The following GRXCR2 variants were observed in gnomAD, a reference collection of about 807,000 sequenced individuals.
GRXCR2 encodes the protein glutaredoxin domain-containing cysteine-rich protein 2.
GRXCR2 carries 23 observed loss-of-function variants against 24.8 expected under a neutral mutation model. The ratio of observed to expected loss-of-function variants is 0.93; its 90% confidence interval spans 0.67 to 1.32. The LOEUF (loss-of-function observed/expected upper bound fraction) is 1.32, where lower values mean the gene tolerates loss of function less well. Among genes scored for constraint, GRXCR2 ranks in the 40% most tolerant of loss-of-function variants. GRXCR2 has a pLI of 0.00. For missense variants in GRXCR2, 315 were observed against 303.4 expected (o/e 1.04, Z -0.28); for synonymous variants, 130 against 116.1 (o/e 1.12, Z -0.77).
chr5:145,913,302 T>C, intron 2 of GRXCR2, among the ~76,000 whole-genome samples: 1 of 152,138 alleles, frequency 6.6e-6, no homozygotes, highest in East Asian at 1.9e-4. Context: ...AAATAGTTTT[T>C]CTATATTTAA....
At chr5:145,862,397 C>T (rs767989320) in intron 2 of GRXCR2, among the ~76,000 whole-genome samples, 1 of 152,188 alleles carries the variant, frequency 6.6e-6, no homozygotes, top group Non-Finnish European at 1.5e-5. Context: ...TGGGTTACCA[C>T]TCTCTGACCA....
intron 2 of GRXCR2, among the ~76,000 whole-genome samples, chr5:145,881,055 A>G (rs1338959063): frequency 1.3e-5 from 2 of 152,218 alleles, no homozygotes. Context: ...TATTTATGAC[A>G]AACCCACAGC....
chr5:145,876,191 G>GTGTATA (rs1412232264), upstream of GRXCR2, among the ~76,000 whole-genome samples: 6,579 of 105,006 alleles, frequency 0.063, 259 homozygotes, highest in East Asian at 0.18. Flanking sequence ...GTGTGTGTGT[G>GTGTATA]TATATATATA....
intron 1 of GRXCR2, among the ~76,000 whole-genome samples, chr5:145,870,993 C>A (rs573115190): frequency 6.6e-6 from 1 of 152,082 alleles, no homozygotes; most frequent in South Asian, 2.1e-4. Context: ...ATCCCTTGAG[C>A]CCAGGAGTTT....
intron 2 of GRXCR2, among the ~76,000 whole-genome samples, chr5:145,898,135 T>C (rs1332427231): frequency 1.3e-5 from 2 of 151,906 alleles, no homozygotes; most frequent in Non-Finnish European, 2.9e-5. Context: ...AAAGGTGACA[T>C]TACAACTGAT....
chr5:145,920,108 G>A (rs550078910), intron 2 of GRXCR2, among the ~76,000 whole-genome samples: 7 of 152,120 alleles, frequency 4.6e-5, no homozygotes, highest in Non-Finnish European at 1.0e-4. Context: ...TGAAAATCAA[G>A]CAATTATTGA....
chr5:145,902,442 G>A (rs908031097), intron 2 of GRXCR2, among the ~76,000 whole-genome samples: 1 of 152,036 alleles, frequency 6.6e-6, no homozygotes, highest in Non-Finnish European at 1.5e-5. Flanking sequence ...GATGACCTCT[G>A]GGTTTTCTCT....
chr5:145,861,098 G>GA (rs758821087), intron 2 of GRXCR2, among the ~76,000 whole-genome samples: 21 of 151,680 alleles, frequency 1.4e-4, no homozygotes, highest in Non-Finnish European at 2.6e-4. Flanking sequence ...TTCAGCTTCT[G>GA]AAAATCTCAA....
At chr5:145,879,406 T>G (rs1434030997) in intron 2 of GRXCR2, among the ~76,000 whole-genome samples, 1 of 146,790 alleles carries the variant, frequency 6.8e-6, no homozygotes. Flanking sequence ...GTAATCCTAG[T>G]CTCTGATAAA....
At chr5:145,888,492 G>T (rs1032772076) in intron 2 of GRXCR2, among the ~76,000 whole-genome samples, 1 of 152,086 alleles carries the variant, frequency 6.6e-6, no homozygotes, top group Non-Finnish European at 1.5e-5. Context: ...AACCTGTGCA[G>T]GTTACTTGAT....
chr5:145,899,427 TA>T (rs746427238), intron 2 of GRXCR2, among the ~76,000 whole-genome samples: 2 of 151,890 alleles, frequency 1.3e-5, no homozygotes, highest in Admixed American at 6.6e-5. Flanking sequence ...TCATATGGAA[TA>T]AAAAAAGAGC....
At chr5:145,879,075 G>A (rs1163708420) in intron 2 of GRXCR2, among the ~76,000 whole-genome samples, 2 of 152,082 alleles carry the variant, frequency 1.3e-5, no homozygotes, top group Non-Finnish European at 2.9e-5. Context: ...ACCAGTACCA[G>A]CCCCTGCAAA....
At chr5:145,920,308 T>C (rs987544488) in intron 2 of GRXCR2, among the ~76,000 whole-genome samples, 3 of 152,162 alleles carry the variant, frequency 2.0e-5, no homozygotes, top group African/African-American at 7.2e-5. Flanking sequence ...TAGAGATGCA[T>C]AGGCCCTGCC....
Position 145,888,255 on chromosome 5 carries a change from G to A in GRXCR2, c.-69-21527C>T, listed in dbSNP as rs539552270. Among the ~76,000 whole-genome samples the A allele has an allele frequency of 9.2e-5, 14 of 152,308 alleles. 1 individual carries two copies. Among genetic ancestry groups the A allele is most frequent in the African/African-American group, 3.4e-4 (14 of 41,562 alleles). On this transcript the variant is annotated intron_variant, in intron 2 of 3. Coordinates refer to the GRXCR2 transcript ENST00000639411. ...GTGTGGCTCCAGAGGACAGGAAAGA[G>A]CTATTTCAATTAAACAAATACATAC...
chr5:145,867,074 C>A (rs1015376788), intron 1 of GRXCR2, among the ~76,000 whole-genome samples: 3 of 152,172 alleles, frequency 2.0e-5, no homozygotes, highest in African/African-American at 7.2e-5. Flanking sequence ...CAGAGGGACA[C>A]TTTTTCATTT....
intron 2 of GRXCR2, among the ~76,000 whole-genome samples, chr5:145,863,669 A>G (rs1051378956): frequency 6.6e-6 from 1 of 152,140 alleles, no homozygotes; most frequent in Non-Finnish European, 1.5e-5. Flanking sequence ...TTCTTTTTTA[A>G]AAATTTTTTT....
chr5:145,906,020 G>A (rs925193008), intron 2 of GRXCR2, among the ~76,000 whole-genome samples: 2 of 152,062 alleles, frequency 1.3e-5, no homozygotes, highest in African/African-American at 4.8e-5. Context: ...ATTTTAATCG[G>A]GAGCCATTGA....
chr5:145,865,237 G>A (rs182800924), intron 2 of GRXCR2, among the ~76,000 whole-genome samples: 1 of 152,290 alleles, frequency 6.6e-6, no homozygotes, highest in East Asian at 1.9e-4. Flanking sequence ...AGTCCCAGGA[G>A]ATGGAATCTA....
chr5:145,865,230 C>T (rs1198853975), intron 2 of GRXCR2, among the ~76,000 whole-genome samples: 1 of 152,110 alleles, frequency 6.6e-6, no homozygotes, highest in Admixed American at 6.6e-5. Flanking sequence ...AACATCAAGT[C>T]CCAGGAGATG....
Sources: allele counts gnomAD v4.1 joint callset (sites outside exome capture counted in the v4.1 genomes callset), GRCh38; gene constraint gnomAD v4.1.1; transcripts MANE v1.5; gene names NCBI Gene and HGNC (gene_info 2026-07-23, HGNC 2026-07-21).